TMEM233: variants seen among roughly 807,000 people sequenced by gnomAD.
TMEM233 encodes the protein dispanin subfamily B member 2.
In TMEM233, 6 loss-of-function variants were observed where a neutral mutation model predicts 11.2. The ratio of observed to expected loss-of-function variants is 0.54; its 90% CI spans 0.29 to 1.06. The LOEUF is 1.06. TMEM233 is among the 50% of genes least tolerant of loss of function. The pLI, the probability that TMEM233 is intolerant of heterozygous loss-of-function variation, is 0.08. For synonymous variants in TMEM233, 59 were observed against 55.8 expected, an observed-to-expected ratio of 1.06 and a Z score of -0.26; for missense variants, 127 against 144.7, an observed-to-expected ratio of 0.88 and a Z score of 0.63.
chr12:119,640,860 A>AT lies in TMEM233; in HGVS notation c.*155_*156insT. The AT allele has an allele frequency of 8.0e-6, 5 of 625,602 alleles. No individual in the cohort carries two copies. Among genetic ancestry groups the AT allele is most frequent in the Non-Finnish European group, 9.1e-6 (4 of 440,634 alleles). 38.8% of individuals were successfully genotyped at this position (625,602 alleles called of 1,614,324 possible). ...AGGTCCCTGGCAAATGAACAAGAAA[A>AT]AAAAAAAAAAAAAGTCCAAAATTTA... On this transcript the variant is annotated 3_prime_UTR_variant, in exon 3 of 3. Coordinates refer to ENST00000426426, the MANE Select transcript of TMEM233 (RefSeq NM_001136534.3).
intron 1 of TMEM233, among the ~76,000 whole-genome samples, chr12:119,628,337 T>C (rs953317164): frequency 2.0e-5 from 3 of 151,710 alleles, no homozygotes; most frequent in Non-Finnish European, 2.9e-5. Context: ...TTTTTTGTAT[T>C]TTCAGTAGAG....
At chr12:119,639,858 G>A (rs1955047049) in intron 2 of TMEM233, among the ~76,000 whole-genome samples, 1 of 152,096 alleles carries the variant, frequency 6.6e-6, no homozygotes, top group Non-Finnish European at 1.5e-5. Context: ...GGTAACTGTT[G>A]GGTATTATTA....
At chr12:119,632,263 G>T (rs1366402506) in intron 2 of TMEM233, among the ~76,000 whole-genome samples, 1 of 152,194 alleles carries the variant, frequency 6.6e-6, no homozygotes, top group African/African-American at 2.4e-5. Context: ...TGTAGATGAG[G>T]AAACCGAGAC....
At chr12:119,607,236 G>T (rs1298592348) in intron 1 of TMEM233, among the ~76,000 whole-genome samples, 1 of 152,134 alleles carries the variant, frequency 6.6e-6, no homozygotes, top group South Asian at 2.1e-4. Context: ...TTTAATCTTG[G>T]CACTACTGTT....
At chr12:119,608,967 G>A (rs766465025) in intron 1 of TMEM233, among the ~76,000 whole-genome samples, 25 of 152,126 alleles carry the variant, frequency 1.6e-4, no homozygotes, top group Non-Finnish European at 3.2e-4. Flanking sequence ...GGAGTGGGGC[G>A]CTGCTATAAG....
rs1340882216 is a variant in TMEM233, at chr12:119,635,682, T to C, written c.324-5017T>C. On this transcript the variant is annotated intron_variant, in intron 2 of 2. Coordinates refer to ENST00000426426, the MANE Select transcript of TMEM233 (RefSeq NM_001136534.3). The stretch of plus-strand genomic sequence containing the variant: ...TTTGGTCCCCCAAGACTGCCTCCCA[T>C]TTCAGATGCTAATTGCAAGCCCCAG... Among the ~76,000 whole-genome samples the C allele has an allele frequency of 5.3e-5, 8 of 152,110 alleles. No individual in the cohort carries two copies. In the South Asian group the frequency reaches 1.7e-3, roughly 32 times the overall value.
intron 1 of TMEM233, among the ~76,000 whole-genome samples, chr12:119,602,426 C>T (rs904463530): frequency 1.3e-5 from 2 of 152,150 alleles, no homozygotes; most frequent in African/African-American, 4.8e-5. Context: ...TGAGAAATGG[C>T]GTATTAAAAT....
At position 119,594,416 on chromosome 12, in the gene TMEM233, G is replaced by T; in HGVS notation, c.186+382G>T. On this transcript the variant is annotated intron_variant, in intron 1 of 2. Transcript: ENST00000426426. The surrounding 1 kb of genome is among the most constrained non-coding windows in gnomAD (Gnocchi z 5.6). ...ACCCTCTTTTCTAGAGCCCCAGTGC[G>T]CGCCACCCTAGCGAGCGCAGTAAGC... The T allele has an allele frequency of 5.0e-6, 1 of 201,816 alleles. No individual in the cohort carries two copies. The highest frequency in any genetic ancestry group is 1.0e-4 in the South Asian group (1 of 9,800). 12.5% of individuals were successfully genotyped at this position (201,816 alleles called of 1,614,324 possible).
chr12:119,596,933 A>G (rs1279009517), intron 1 of TMEM233, among the ~76,000 whole-genome samples: 2 of 152,262 alleles, frequency 1.3e-5, no homozygotes, highest in African/African-American at 4.8e-5. Context: ...GGTACATGCA[A>G]TAATTGTCAG....
intron 1 of TMEM233, among the ~76,000 whole-genome samples, chr12:119,615,792 T>C (rs3847956): frequency 0.79 from 119,441 of 152,024 alleles, 47,075 homozygotes; most frequent in Middle Eastern, 0.86. Flanking sequence ...TGTGAAGTGT[T>C]ATGAACTCTC....
downstream of TMEM233, among the ~76,000 whole-genome samples, chr12:119,645,320 C>CCAAAAAAAAAA (rs764976226): frequency 1.3e-5 from 1 of 74,794 alleles, no homozygotes; most frequent in Non-Finnish European, 2.5e-5. Flanking sequence ...CACCAATTAC[C>CCAAAAAAAAAA]AAAAAAAAAA....
intron 1 of TMEM233, among the ~76,000 whole-genome samples, chr12:119,603,419 T>C (rs1954206156): frequency 6.6e-6 from 1 of 152,250 alleles, no homozygotes; most frequent in African/African-American, 2.4e-5. Flanking sequence ...GTAGAGCTTG[T>C]CATTAAATAG....
intron 2 of TMEM233, 57 bp from the exon 3 acceptor site, chr12:119,640,642 A>C: frequency 6.5e-7 from 1 of 1,545,210 alleles, no homozygotes; most frequent in Admixed American, 2.0e-5. Flanking sequence ...TGGGAAAGCC[A>C]ACCACAGAAG....
intron 1 of TMEM233, among the ~76,000 whole-genome samples, chr12:119,626,838 T>G (rs1954777385): frequency 6.6e-6 from 1 of 152,218 alleles, no homozygotes; most frequent in African/African-American, 2.4e-5. Flanking sequence ...AACAGAAATA[T>G]TCATGCACTC....
At chr12:119,632,275 C>A (rs975175878) in intron 2 of TMEM233, among the ~76,000 whole-genome samples, 2 of 152,164 alleles carry the variant, frequency 1.3e-5, no homozygotes, top group African/African-American at 4.8e-5. Context: ...AACCGAGACT[C>A]AGAGAGGTAA....
intron 1 of TMEM233, among the ~76,000 whole-genome samples, chr12:119,611,520 T>C (rs1483628184): frequency 1.4e-5 from 2 of 143,016 alleles, no homozygotes; most frequent in Non-Finnish European, 3.0e-5. Context: ...CTGGGTTGTT[T>C]GTCTTTTTAT....
At chr12:119,608,403 TC>T (rs1021470635) in intron 1 of TMEM233, among the ~76,000 whole-genome samples, 3 of 151,922 alleles carry the variant, frequency 2.0e-5, no homozygotes, top group Non-Finnish European at 2.9e-5. Flanking sequence ...ACTTCAAACA[TC>T]CCCCCCAGAT....
At chr12:119,622,779 A>G (rs983346766) in intron 1 of TMEM233, among the ~76,000 whole-genome samples, 36 of 152,174 alleles carry the variant, frequency 2.4e-4, no homozygotes, top group East Asian at 1.9e-4. Context: ...ACCCGTGGGC[A>G]GCCCTTTTCC....
chr12:119,619,092 C>T (rs7138756), intron 1 of TMEM233, among the ~76,000 whole-genome samples: 51,321 of 151,948 alleles, frequency 0.34, 9,247 homozygotes, highest in African/African-American at 0.41. Context: ...CTCACAAGAT[C>T]CGATGGTTTT....
Sources: gnomAD v4.1 joint callset for allele counts (sites outside exome capture counted in the v4.1 genomes callset) on GRCh38, gnomAD v4.1.1 for gene constraint, Gnocchi (gnomAD v3.1) non-coding constraint, MANE v1.5 for transcripts, NCBI Gene and HGNC (gene_info 2026-07-23, HGNC 2026-07-21) for gene names.